CERT1: variants seen among roughly 807,000 people sequenced by gnomAD.
The protein encoded by CERT1 is ceramide transporter 1.
A neutral mutation model predicts 87.9 loss-of-function variants in CERT1; 31 were observed. That is an observed-to-expected ratio of 0.35 (90% CI 0.27 to 0.48). CERT1 has a LOEUF of 0.48. Ranked by LOEUF, CERT1 falls within the 20% of genes least tolerant of loss-of-function variation. The probability of loss-of-function intolerance (pLI) is 0.99; values close to 1 mark genes in which losing one functional copy is unlikely to be tolerated. For missense variants in CERT1, 487 were observed against 758.0 expected, an observed-to-expected ratio of 0.64 and a Z score of 4.20; for synonymous variants, 289 against 250.9, an observed-to-expected ratio of 1.15 and a Z score of -1.44.
chr5:75,473,483 T>G (rs1399277317), intron 2 of CERT1, among the ~76,000 whole-genome samples: 1 of 116,712 alleles, frequency 8.6e-6, no homozygotes, highest in Non-Finnish European at 1.9e-5. Context: ...GACAGACAAA[T>G]AACGCATTAT....
chr5:75,420,170 G>T (rs1211293432), intron 5 of CERT1, among the ~76,000 whole-genome samples: 4 of 151,602 alleles, frequency 2.6e-5, no homozygotes, highest in Non-Finnish European at 2.9e-5. Flanking sequence ...GTAGAGAAGG[G>T]GTTTCACTAT....
rs753994591 is a variant in CERT1 at position 75,511,131 on chromosome 5, C to G, written c.77G>C (p.Arg26Pro). 1.0e-5 allele frequency: 16 copies of G among 1,598,540 alleles called. No homozygotes were observed. Among genetic ancestry groups the G allele is most frequent in the African/African-American group, 1.3e-5 (1 of 74,752 alleles). ...PETESGPPVE[R>P]CGVLSKWTNY... is the part of the protein sequence containing the mutation. ...GCTCACCTTACTGAGGACCCCGCAG[C>G]GCTCCACAGGCGGCCCAGACTCCGT... The change falls in exon 1 of 17, where the codon CGC (arginine) becomes CCC (proline). Residue 26 changes from arginine to proline, a missense_variant. Arg to Pro is a moderately radical substitution (Grantham distance 103, BLOSUM62 -2). Around this residue, in one of 8 missense-constraint regions of CERT1, gnomAD observed 173 missense variants for 302.2 expected, o/e 0.57. Coordinates refer to ENST00000643780, the MANE Select transcript of CERT1 (RefSeq NM_001379029.1).
intron 11 of CERT1, among the ~76,000 whole-genome samples, chr5:75,389,932 C>A (rs1197862611): frequency 6.6e-6 from 1 of 152,006 alleles, no homozygotes; most frequent in African/African-American, 2.4e-5. Context: ...CACATATTGG[C>A]CTAATGTGTA....
At chr5:75,430,857 C>T (rs1286401801) in intron 3 of CERT1, among the ~76,000 whole-genome samples, 2 of 152,012 alleles carry the variant, frequency 1.3e-5, no homozygotes, top group Non-Finnish European at 2.9e-5. Flanking sequence ...AGCAATAAAG[C>T]GAGACACCAT....
intron 1 of CERT1, among the ~76,000 whole-genome samples, chr5:75,507,528 T>A (rs1767709221): frequency 6.6e-6 from 1 of 152,202 alleles, no homozygotes; most frequent in Admixed American, 6.5e-5. Context: ...CTGCTTGAGA[T>A]GTACCACCAC....
chr5:75,395,242 CTG>C lies in CERT1; in HGVS notation c.1188+4066_1188+4067del, dbSNP rs1353265408. 2.0e-5 allele frequency among the ~76,000 whole-genome samples: 3 copies of C among 152,182 alleles called. No individual in the cohort carries two copies. The East Asian group carries it at 5.8e-4, about 29-fold the overall frequency. On this transcript the variant is annotated intron_variant, in intron 11 of 16. Coordinates refer to ENST00000643780, the MANE Select transcript of CERT1 (RefSeq NM_001379029.1). Reference sequence around the variant, plus strand: ...AATGTGAACTGTGTTATGCAAATAACTGTGAACAAAATGATCAATTTATGAAT... The same window carrying C: ...AATGTGAACTGTGTTATGCAAATAACTGAACAAAATGATCAATTTATGAAT...
At position 75,444,501 on chromosome 5, in the gene CERT1, C is replaced by T. The variant is rs150653604; in HGVS notation, c.348+14564G>A. On this transcript the variant is annotated intron_variant, in intron 3 of 16. Coordinates refer to ENST00000643780, the MANE Select transcript of CERT1 (RefSeq NM_001379029.1). ...TAGTATTTTTGTCCCTCATTTCCTG[C>T]ATCACTGTCTAGTTTATCACTGTTT... 1.8e-4 allele frequency among the ~76,000 whole-genome samples: 28 copies of T among 151,570 alleles called. No individual in the cohort carries two copies. In the East Asian group the frequency reaches 4.4e-3, roughly 24 times the overall value.
chr5:75,467,667 A>G (rs1040586401), intron 2 of CERT1, among the ~76,000 whole-genome samples: 10 of 149,696 alleles, frequency 6.7e-5, no homozygotes, highest in East Asian at 6.0e-4. Context: ...AAAAAAAAAA[A>G]GTAGCATAAG....
chr5:75,405,721 A>G (rs1332946145), intron 8 of CERT1, among the ~76,000 whole-genome samples: 1 of 152,190 alleles, frequency 6.6e-6, no homozygotes, highest in Non-Finnish European at 1.5e-5. Flanking sequence ...CATTCATATA[A>G]CTTTTTACTA....
Position 75,417,913 on chromosome 5 carries a change from T to C in CERT1, c.680-880A>G, listed in dbSNP as rs374811188. ...GGCTCACGCCTGTAATCCCAGCACT[T>C]TGGGAGGCCAAGGCGGGCGGATCAC... On this transcript the variant is annotated intron_variant, in intron 6 of 16. Coordinates refer to ENST00000643780, the MANE Select transcript of CERT1 (RefSeq NM_001379029.1). 2.8e-4 allele frequency among the ~76,000 whole-genome samples: 42 copies of C among 152,316 alleles called. 1 individual carries two copies. The East Asian group carries it at 4.6e-3, about 17-fold the overall frequency.
intron 2 of CERT1, 87 bp from the exon 3 acceptor site, chr5:75,459,268 A>C: frequency 3.4e-5 from 25 of 742,378 alleles, no homozygotes; most frequent in East Asian, 7.6e-5. Flanking sequence ...GAACATACTC[A>C]TTCTGTGCTG....
intron 2 of CERT1, among the ~76,000 whole-genome samples, chr5:75,495,855 G>T (rs1246837288): frequency 6.6e-6 from 1 of 151,928 alleles, no homozygotes; most frequent in Non-Finnish European, 1.5e-5. Flanking sequence ...CACCAGCATG[G>T]CACATGCATA....
chr5:75,468,857 G>A (rs1282836448), intron 2 of CERT1, among the ~76,000 whole-genome samples: 2 of 152,154 alleles, frequency 1.3e-5, no homozygotes, highest in Non-Finnish European at 2.9e-5. Flanking sequence ...ATTCCAATAA[G>A]TACCTATTTC....
Position 75,448,909 on chromosome 5 carries a change from C to T in CERT1, c.348+10156G>A, listed in dbSNP as rs553975168. Among the ~76,000 whole-genome samples, 3 of 151,496 alleles carry T rather than the reference C, an allele frequency of 2.0e-5. No individual in the cohort carries two copies. The East Asian group carries it at 5.8e-4, about 29-fold the overall frequency. On this transcript the variant is annotated intron_variant, in intron 3 of 16. Coordinates refer to ENST00000643780, the MANE Select transcript of CERT1 (RefSeq NM_001379029.1). ...ATCTAAATAGTTTACAAATTACAGACGAAAAAAGGATAGAGAAATAAGCTG... is the reference window on the plus strand; with the variant it reads ...ATCTAAATAGTTTACAAATTACAGATGAAAAAAGGATAGAGAAATAAGCTG...
chr5:75,485,994 C>G (rs989346852), intron 2 of CERT1, among the ~76,000 whole-genome samples: 1 of 152,076 alleles, frequency 6.6e-6, no homozygotes, highest in Non-Finnish European at 1.5e-5. Flanking sequence ...TACTTCCAAA[C>G]TCATTCTATG....
chr5:75,446,864 AAAGTT>A (rs547653355), intron 3 of CERT1, among the ~76,000 whole-genome samples: 18 of 152,208 alleles, frequency 1.2e-4, no homozygotes, highest in Non-Finnish European at 2.4e-4. Context: ...GAAAAGGAGA[AAAGTT>A]AAGGAGAAAG....
chr5:75,418,301 C>T (rs1763228045), intron 6 of CERT1, among the ~76,000 whole-genome samples: 2 of 151,914 alleles, frequency 1.3e-5, no homozygotes, highest in Non-Finnish European at 2.9e-5. Context: ...AAATTAAAAC[C>T]ACAATGACAT....
At chr5:75,393,030 T>C (rs1438919583) in intron 11 of CERT1, among the ~76,000 whole-genome samples, 2 of 111,032 alleles carry the variant, frequency 1.8e-5, no homozygotes, top group African/African-American at 3.4e-5. Flanking sequence ...TAAGTTTCAT[T>C]AAAAAAAAAA....
chr5:75,384,303 G>A (rs905120826), intron 14 of CERT1, among the ~76,000 whole-genome samples: 1 of 152,160 alleles, frequency 6.6e-6, no homozygotes, highest in African/African-American at 2.4e-5. Flanking sequence ...AGAGGCTGAG[G>A]CAGGAGGATC....
Sources: gnomAD v4.1 joint callset for allele counts (sites outside exome capture counted in the v4.1 genomes callset) on GRCh38, gnomAD v4.1.1 for gene constraint, gnomAD v4.1.1 regional missense constraint, MANE v1.5 for transcripts, NCBI Gene and HGNC (gene_info 2026-07-23, HGNC 2026-07-21) for gene names.